Variants in RPTOR observed in about 807,000 individuals in gnomAD.
The protein encoded by RPTOR is regulatory associated protein of MTOR complex 1.
In RPTOR, 21 loss-of-function variants were observed where a neutral mutation model predicts 169.9. The ratio of observed to expected loss-of-function variants is 0.12; its 90% CI spans 0.09 to 0.18. The LOEUF is 0.18. Ranked by LOEUF, RPTOR falls within the 10% of genes least tolerant of loss-of-function variation. The probability of loss-of-function intolerance (pLI) is 1.00; values close to 1 mark genes in which losing one functional copy is unlikely to be tolerated. For missense variants in RPTOR, 1,133 were observed against 1,855.9 expected, an observed-to-expected ratio of 0.61 and a Z score of 7.16; for synonymous variants, 732 against 753.2, an observed-to-expected ratio of 0.97 and a Z score of 0.46.
intron 3 of RPTOR, among the ~76,000 whole-genome samples, chr17:80,652,631 T>C (rs1295194326): frequency 6.6e-6 from 1 of 152,264 alleles, no homozygotes; most frequent in Non-Finnish European, 1.5e-5. Flanking sequence ...ATGGCTAGTC[T>C]ACATTTCTAT....
intron 1 of RPTOR, among the ~76,000 whole-genome samples, chr17:80,566,090 A>G (rs1376349653): frequency 2.0e-5 from 3 of 152,230 alleles, no homozygotes; most frequent in Non-Finnish European, 4.4e-5. Context: ...CCTTTCTCCA[A>G]GCTGGTTCCA....
At chr17:80,790,047 G>A (rs2067031452) in intron 6 of RPTOR, among the ~76,000 whole-genome samples, 1 of 152,172 alleles carries the variant, frequency 6.6e-6, no homozygotes, top group South Asian at 2.1e-4. Flanking sequence ...TGGTTTGCCT[G>A]GGACCACCGT....
chr17:80,579,256 C>T (rs1318822979), intron 1 of RPTOR, among the ~76,000 whole-genome samples: 7 of 152,044 alleles, frequency 4.6e-5, no homozygotes, highest in African/African-American at 1.7e-4. Flanking sequence ...TGCAATGGTG[C>T]GATCTCGGCT....
intron 4 of RPTOR, among the ~76,000 whole-genome samples, chr17:80,724,548 C>G (rs1459404323): frequency 6.6e-6 from 1 of 152,190 alleles, no homozygotes; most frequent in Non-Finnish European, 1.5e-5. Context: ...TCCTGTGTAT[C>G]CCAGCTATCC....
intron 17 of RPTOR, among the ~76,000 whole-genome samples, chr17:80,885,459 A>G (rs2016834): frequency 0.094 from 13,891 of 147,510 alleles, 1,407 homozygotes; most frequent in African/African-American, 0.26. Context: ...CCACCCACAG[A>G]TGGCGGGAAG....
intron 6 of RPTOR, among the ~76,000 whole-genome samples, chr17:80,775,285 T>C (rs552376086): frequency 6.6e-6 from 1 of 152,348 alleles, no homozygotes; most frequent in South Asian, 2.1e-4. Flanking sequence ...TCTTTCTTTC[T>C]CTTTTGAACA....
At chr17:80,644,922 A>T (rs2065582216) in intron 3 of RPTOR, among the ~76,000 whole-genome samples, 1 of 152,158 alleles carries the variant, frequency 6.6e-6, no homozygotes, top group Non-Finnish European at 1.5e-5. Flanking sequence ...ATAACAGCAG[A>T]CTTTTGTTCT....
At chr17:80,683,850 A>G (rs888503375) in intron 3 of RPTOR, among the ~76,000 whole-genome samples, 2 of 152,206 alleles carry the variant, frequency 1.3e-5, no homozygotes, top group Admixed American at 6.5e-5. Flanking sequence ...TTCTACCCGC[A>G]TGGCTCAAGT....
intron 4 of RPTOR, among the ~76,000 whole-genome samples, chr17:80,725,009 G>T (rs1287985594): frequency 6.6e-6 from 1 of 152,202 alleles, no homozygotes; most frequent in African/African-American, 2.4e-5. Flanking sequence ...TGTTTGGTAT[G>T]TGAGGGGTTT....
intron 24 of RPTOR, among the ~76,000 whole-genome samples, chr17:80,939,311 C>T (rs1215614800): frequency 1.3e-5 from 2 of 152,196 alleles, no homozygotes; most frequent in African/African-American, 4.8e-5. Context: ...CTCTCCTAGA[C>T]GCTGAACGTG....
chr17:80,768,017 C>G (rs2066804772), intron 6 of RPTOR, among the ~76,000 whole-genome samples: 1 of 152,152 alleles, frequency 6.6e-6, no homozygotes, highest in Admixed American at 6.5e-5. Flanking sequence ...GCACGTAACA[C>G]CATGCCTGGC....
rs952864700 is a variant in RPTOR at position 80,959,987 on chromosome 17, C to T, written c.3478-91C>T. ...AGGGAGGGTGATCCCCACAGCCAGG[C>T]AGGCAGCAAGAGGGGTCCTGGCGCT... is the stretch of plus-strand genomic sequence containing the variant. On this transcript the variant is annotated intron_variant, in intron 29 of 33. Transcript: ENST00000306801. This position sits in a 1 kb window ranked among gnomAD's most constrained non-coding sequence, Gnocchi z 6.7. 6.6e-7 allele frequency: 1 copy of T among 1,510,462 alleles called. No individual in the cohort carries two copies. Among genetic ancestry groups the T allele is most frequent in the Non-Finnish European group, 9.1e-7 (1 of 1,102,220 alleles). The allele number at this position is 1,510,462 out of a possible 1,614,324, so 93.6% of individuals were successfully genotyped here.
At chr17:80,891,511 G>A (rs559678253) in intron 17 of RPTOR, among the ~76,000 whole-genome samples, 3 of 152,358 alleles carry the variant, frequency 2.0e-5, no homozygotes, top group Admixed American at 6.5e-5. Context: ...GGCTTCCCCC[G>A]TGAGCCAGTG....
In RPTOR at chr17:80,923,671, C is replaced by A; in HGVS notation, c.2806C>A (p.Gln936Lys). ...GAAGATGTTCGACAAGGGCCCAGAG[C>A]AGGTACGGGAGCCCGGCTGCCTGGT... ...TRKMFDKGPE[Q>K]TADDADDAAG... Residue 936 changes from glutamine (Q) to lysine (K), a missense_variant and splice_region_variant, in exon 23 of 34, where the codon CAG becomes AAG. Coordinates refer to ENST00000306801, the MANE Select transcript of RPTOR (RefSeq NM_020761.3). 1 of 1,591,158 alleles carries A rather than the reference C, an allele frequency of 6.3e-7. No homozygotes were observed. The highest frequency in any genetic ancestry group is 8.6e-7 in the Non-Finnish European group (1 of 1,165,334).
chr17:80,839,144 C>T (rs114387751), intron 10 of RPTOR, among the ~76,000 whole-genome samples: 15,034 of 152,156 alleles, frequency 0.099, 794 homozygotes, highest in East Asian at 0.18. Context: ...TGCCTGCGTG[C>T]GTGCGTGTGT....
chr17:80,680,527 G>A (rs1451209156), intron 3 of RPTOR, among the ~76,000 whole-genome samples: 2 of 152,124 alleles, frequency 1.3e-5, no homozygotes, highest in African/African-American at 4.8e-5. Flanking sequence ...CAGCTACTCA[G>A]GAGAGGCAGG....
At chr17:80,643,706 C>G in intron 2 of RPTOR, 22 bp from the exon 3 acceptor site, 5 of 1,597,390 alleles carry the variant, frequency 3.1e-6, no homozygotes, top group Non-Finnish European at 4.3e-6. Context: ...AAAGAACTTT[C>G]TCTTTTCCAT....
chr17:80,962,829 G>C, intron 32 of RPTOR, 99 bp from the exon 33 acceptor site: 1 of 1,559,998 alleles, frequency 6.4e-7, no homozygotes, highest in Non-Finnish European at 8.7e-7. Context: ...GCCTGTCCCC[G>C]TGGTCTAGCC....
chr17:80,829,662 G>C lies in RPTOR; in HGVS notation c.1136+6439G>C, dbSNP rs140024828. Among the ~76,000 whole-genome samples, 173 of 152,344 alleles carry C rather than the reference G, an allele frequency of 1.1e-3. 1 individual carries two copies. The highest frequency in any genetic ancestry group is 4.0e-3 in the African/African-American group (166 of 41,564). On this transcript the variant is annotated intron_variant, in intron 9 of 33. Transcript: ENST00000306801. ...GCCCGTAGACATGGCAGTGCCGCGT[G>C]CATGGAGAGGGCGGCGTCCACGGCG...
Sources: allele counts gnomAD v4.1 joint callset (sites outside exome capture counted in the v4.1 genomes callset), GRCh38; gene constraint gnomAD v4.1.1; non-coding constraint Gnocchi (gnomAD v3.1); transcripts MANE v1.5; gene names NCBI Gene and HGNC (gene_info 2026-07-23, HGNC 2026-07-21).